The following CLVS2 variants were observed in gnomAD, a reference collection of about 807,000 sequenced individuals.
CLVS2 encodes clavesin 2.
Under a neutral mutation model 29.0 loss-of-function variants are expected in CLVS2, and 19 were observed. The ratio of observed to expected loss-of-function variants is 0.66; its 90% confidence interval spans 0.46 to 0.96. CLVS2 has a LOEUF of 0.96. Ranked by LOEUF, CLVS2 falls within the 40% of genes least tolerant of loss-of-function variation. CLVS2 has a pLI of 0.00. For synonymous variants in CLVS2, 161 were observed against 151.3 expected (o/e 1.06, Z -0.47); for missense variants, 294 against 404.1 (o/e 0.73, Z 2.34).
intron 5 of CLVS2, among the ~76,000 whole-genome samples, chr6:123,061,979 T>C (rs988378773): frequency 2.4e-4 from 36 of 152,206 alleles, no homozygotes; most frequent in African/African-American, 8.2e-4. Context: ...ACTGAAGTTC[T>C]TTCAATTTGG....
rs534387651 is a variant in CLVS2 at position 123,008,925 on chromosome 6, A to G, written c.390-2060A>G. ...AAGTTTTATTATTTTATATATTCAG[A>G]TAGTTTTTTGGATGCTGTATCCCTA... On this transcript the variant is annotated intron_variant, in intron 2 of 5. Coordinates refer to ENST00000275162, the MANE Select transcript of CLVS2 (RefSeq NM_001010852.4). Among the ~76,000 whole-genome samples, 14 of 152,206 alleles carry G rather than the reference A, an allele frequency of 9.2e-5. No individual in the cohort carries two copies. In the East Asian group the frequency reaches 2.3e-3, roughly 25 times the overall value.
At position 123,068,337 on chromosome 6, in the gene CLVS2, A is replaced by G. The variant is rs983456708; in HGVS notation, c.*4576A>G. The G allele has an allele frequency of 6.6e-6, 1 of 151,636 alleles. No individual in the cohort carries two copies. The highest frequency in any genetic ancestry group is 2.4e-5 in the African/African-American group (1 of 41,402). The allele number at this position is 151,636 out of a possible 1,614,324, so 9.4% of individuals were successfully genotyped here. A position where few individuals can be genotyped will look rare whatever the true frequency, so the allele number is the denominator to read the frequency against. ...AGAGTTTTGTCATTATTTGACTTAG[A>G]TTTAAGTCTCAGTGCAAATATGTCT... On this transcript the variant is annotated 3_prime_UTR_variant, in exon 6 of 6. Transcript: ENST00000275162.
intron 3 of CLVS2, among the ~76,000 whole-genome samples, chr6:123,048,328 G>A (rs760439189): frequency 6.6e-6 from 1 of 151,648 alleles, no homozygotes; most frequent in Non-Finnish European, 1.5e-5. Flanking sequence ...TTGTTTCTTG[G>A]CCTGTACTGA....
Position 123,070,086 on chromosome 6 carries a change from G to GA in CLVS2, c.*6330dup. 1 of 151,916 alleles carries GA rather than the reference G, an allele frequency of 6.6e-6. No individual in the cohort carries two copies. Among genetic ancestry groups the GA allele is most frequent in the Non-Finnish European group, 1.5e-5 (1 of 67,900 alleles). The allele number at this position is 151,916 out of a possible 1,614,324, so 9.4% of individuals were successfully genotyped here. On this transcript the variant is annotated 3_prime_UTR_variant, in exon 6 of 6. Transcript: ENST00000275162. ...ATATAATTATTAAGTTTTAGTGCTAGAAAAATTGTTGTTTTTTGTGTTTTG... is the reference window on the plus strand; with the variant it reads ...ATATAATTATTAAGTTTTAGTGCTAGAAAAAATTGTTGTTTTTTGTGTTTTG...
At chr6:123,040,858 A>G (rs776530446) in intron 3 of CLVS2, among the ~76,000 whole-genome samples, 2 of 152,212 alleles carry the variant, frequency 1.3e-5, no homozygotes, top group Non-Finnish European at 2.9e-5. Context: ...GAAGTTATTC[A>G]TTGTATATTT....
chr6:123,017,115 T>TGC (rs376718727), intron 3 of CLVS2, among the ~76,000 whole-genome samples: 2 of 147,456 alleles, frequency 1.4e-5, no homozygotes, highest in Admixed American at 6.7e-5. Context: ...TGTGTGTGTG[T>TGC]GCGTAAGATG....
chr6:123,020,172 A>G (rs1472837472), intron 3 of CLVS2, among the ~76,000 whole-genome samples: 1 of 152,086 alleles, frequency 6.6e-6, no homozygotes, highest in Non-Finnish European at 1.5e-5. Flanking sequence ...CAATAGCTAC[A>G]TAGGTTGAAT....
At chr6:123,001,381 A>T (rs1031531621) in intron 2 of CLVS2, among the ~76,000 whole-genome samples, 1 of 152,156 alleles carries the variant, frequency 6.6e-6, no homozygotes, top group Non-Finnish European at 1.5e-5. Context: ...TTTACAGTGT[A>T]CCCACCTTCT....
At chr6:123,049,121 G>A (rs138333546) in intron 4 of CLVS2, among the ~76,000 whole-genome samples, 31 of 152,196 alleles carry the variant, frequency 2.0e-4, no homozygotes, top group East Asian at 1.2e-3. Context: ...AGTATGTACC[G>A]CAATGAATGT....
chr6:123,019,106 T>G (rs1774884224), intron 3 of CLVS2, among the ~76,000 whole-genome samples: 1 of 152,092 alleles, frequency 6.6e-6, no homozygotes, highest in Non-Finnish European at 1.5e-5. Context: ...GAGAATCACA[T>G]GCAATAGATT....
chr6:123,017,806 A>T (rs2114316532), intron 3 of CLVS2, among the ~76,000 whole-genome samples: 1 of 152,174 alleles, frequency 6.6e-6, no homozygotes, highest in South Asian at 2.1e-4. Context: ...TAATTGATGT[A>T]TTTTTCTTGT....
rs143700371 is a variant in CLVS2 at position 123,014,721 on chromosome 6, G to A, written c.564+3562G>A. ...TGTGTGCTGCCTTTCTCACAAGTCA[G>A]TGACTACATAAACTGTGATGAATTA... On this transcript the variant is annotated intron_variant, in intron 3 of 5. Coordinates refer to ENST00000275162, the MANE Select transcript of CLVS2 (RefSeq NM_001010852.4). 2.8e-3 allele frequency among the ~76,000 whole-genome samples: 420 copies of A among 152,198 alleles called. 1 individual carries two copies. The highest frequency in any genetic ancestry group is 4.3e-3 in the Non-Finnish European group (295 of 68,000).
At position 123,055,974 on chromosome 6, in the gene CLVS2, A is replaced by G. The variant is rs574635525; in HGVS notation, c.844A>G (p.Ser282Gly). ...DDSEYNVDSY[S>G]MPVKEVEKEL... ...CAGCGAGTACAATGTAGACTCCTAC[A>G]GCATGCCTGTGAAGGAAGTAGAGAA... Residue 282 changes from serine to glycine, a missense_variant, in exon 5 of 6, where the codon AGC (serine) becomes GGC (glycine). This residue lies in a region of CLVS2 where 82 missense variants were observed against 67.8 expected (regional missense o/e 1.21). Transcript: ENST00000275162. The G allele has an allele frequency of 1.2e-6, 2 of 1,614,032 alleles. No individual in the cohort carries two copies. The highest frequency in any genetic ancestry group is 3.3e-5 in the Admixed American group (2 of 60,010).
chr6:123,033,942 G>A (rs1775115621), intron 3 of CLVS2, among the ~76,000 whole-genome samples: 3 of 152,066 alleles, frequency 2.0e-5, no homozygotes, highest in Admixed American at 2.0e-4. Context: ...GACACAGATG[G>A]CACATAAGCA....
chr6:123,013,959 T>A (rs1447296925), intron 3 of CLVS2, among the ~76,000 whole-genome samples: 3 of 152,010 alleles, frequency 2.0e-5, no homozygotes, highest in Admixed American at 1.3e-4. Context: ...TGGTTTCCAG[T>A]TTTCATCCAT....
intron 3 of CLVS2, among the ~76,000 whole-genome samples, chr6:123,042,200 A>G (rs552688322): frequency 6.6e-6 from 1 of 152,326 alleles, no homozygotes; most frequent in South Asian, 2.1e-4. Flanking sequence ...ACAGTGTTGT[A>G]TATCTCTAGA....
At chr6:123,033,587 T>C (rs977563060) in intron 3 of CLVS2, among the ~76,000 whole-genome samples, 4 of 152,040 alleles carry the variant, frequency 2.6e-5, no homozygotes, top group Admixed American at 6.6e-5. Context: ...TGTATTTAAA[T>C]GAAAAACAGC....
In CLVS2 at chr6:123,065,445, A is replaced by G. The variant is rs1390995633; in HGVS notation, c.*1684A>G. 7 of 151,972 alleles carry G rather than the reference A, an allele frequency of 4.6e-5. No individual in the cohort carries two copies. The highest frequency in any genetic ancestry group is 6.8e-3 in the Middle Eastern group (2 of 294). 9.4% of individuals were successfully genotyped at this position (151,972 alleles called of 1,614,324 possible). A position where few individuals can be genotyped will look rare whatever the true frequency, so the allele number is the denominator to read the frequency against. ...AGCTGAATACACCAATGTACAGTGTATCAATGGACTGCCTCATGTGTGTAA... is the reference window on the plus strand; with the variant it reads ...AGCTGAATACACCAATGTACAGTGTGTCAATGGACTGCCTCATGTGTGTAA... On this transcript the variant is annotated 3_prime_UTR_variant, in exon 6 of 6. Coordinates refer to ENST00000275162, the MANE Select transcript of CLVS2 (RefSeq NM_001010852.4).
intron 3 of CLVS2, among the ~76,000 whole-genome samples, chr6:123,041,521 G>A (rs1043491195): frequency 5.9e-5 from 9 of 152,044 alleles, no homozygotes. Flanking sequence ...ACAGAGTAAA[G>A]CTGCAGATCT....
Sources: allele counts gnomAD v4.1 joint callset (sites outside exome capture counted in the v4.1 genomes callset), GRCh38; gene constraint gnomAD v4.1.1; regional missense constraint gnomAD v4.1.1; transcripts MANE v1.5; gene names NCBI Gene and HGNC (gene_info 2026-07-23, HGNC 2026-07-21).